The following RNF144A variants were observed in gnomAD, a reference collection of about 807,000 sequenced individuals.
RNF144A encodes the protein E3 ubiquitin-protein ligase RNF144A.
In RNF144A, 11 loss-of-function variants were observed where a neutral mutation model predicts 38.7. The observed-to-expected ratio is 0.28, with a 90% CI of 0.18 to 0.47. The LOEUF (loss-of-function observed/expected upper bound fraction) is 0.47. RNF144A is among the 20% of genes least tolerant of loss of function. The pLI is 0.99. For missense variants in RNF144A, 316 were observed against 377.2 expected (o/e 0.84, Z 1.34); for synonymous variants, 149 against 143.9 (o/e 1.04, Z -0.25).
chr2:7,016,903 G>A (rs1358177412), intron 5 of RNF144A, among the ~76,000 whole-genome samples: 1 of 152,202 alleles, frequency 6.6e-6, no homozygotes, highest in Non-Finnish European at 1.5e-5. Flanking sequence ...CTTAGTCTTA[G>A]AATGTCTCCT....
At chr2:6,925,227 G>A (rs897179385) in intron 1 of RNF144A, among the ~76,000 whole-genome samples, 2 of 152,112 alleles carry the variant, frequency 1.3e-5, no homozygotes, top group South Asian at 2.1e-4. Context: ...GATGGGATGG[G>A]GCTGGCTGTA....
chr2:6,974,108 C>A (rs1395931639), intron 2 of RNF144A, among the ~76,000 whole-genome samples: 1 of 152,204 alleles, frequency 6.6e-6, no homozygotes, highest in Non-Finnish European at 1.5e-5. Context: ...TTACCAGCCC[C>A]ACCTAGTTCG....
At chr2:6,967,801 C>T (rs1226006016) in intron 2 of RNF144A, among the ~76,000 whole-genome samples, 2 of 152,290 alleles carry the variant, frequency 1.3e-5, no homozygotes, top group East Asian at 1.9e-4. Flanking sequence ...TAAGATACTT[C>T]CATAGACTCC....
chr2:7,033,053 A>G (rs1039816859), intron 8 of RNF144A, among the ~76,000 whole-genome samples: 1 of 152,264 alleles, frequency 6.6e-6, no homozygotes, highest in African/African-American at 2.4e-5. Flanking sequence ...GAACTCGGAA[A>G]CCATTGCCCA....
At chr2:7,064,744 TA>T (rs1674130437) in intron 6 of RNF144A, among the ~76,000 whole-genome samples, 1 of 152,142 alleles carries the variant, frequency 6.6e-6, no homozygotes, top group African/African-American at 2.4e-5. Context: ...TAGGGAAGGA[TA>T]AAAGGTGGTA....
At chr2:6,982,500 C>A (rs1202295457) in intron 2 of RNF144A, among the ~76,000 whole-genome samples, 1 of 152,180 alleles carries the variant, frequency 6.6e-6, no homozygotes, top group Non-Finnish European at 1.5e-5. Context: ...CAAACTATAG[C>A]AATTATTTAT....
At chr2:7,052,252 T>C (rs1259134416) in intron 6 of RNF144A, among the ~76,000 whole-genome samples, 2 of 152,216 alleles carry the variant, frequency 1.3e-5, no homozygotes, top group Non-Finnish European at 2.9e-5. Context: ...CTTTTTCCTT[T>C]CTTCTGTGGT....
chr2:7,021,063 CAGG>C (rs1671497533), intron 6 of RNF144A, among the ~76,000 whole-genome samples: 1 of 152,140 alleles, frequency 6.6e-6, no homozygotes, highest in African/African-American at 2.4e-5. Context: ...GAAACAAGAA[CAGG>C]AGTAGGGTGC....
In RNF144A at chr2:7,052,551, T is replaced by A. The variant is rs574144218; in HGVS notation, c.735-15665T>A. ...AGGGCTCTGTAGAGGCAGCGAGGGGTCATTATTTTAAGAGAGAAGCTCAAT... is the reference window on the plus strand; with the variant it reads ...AGGGCTCTGTAGAGGCAGCGAGGGGACATTATTTTAAGAGAGAAGCTCAAT... On this transcript the variant is annotated intron_variant, in intron 6 of 6. Coordinates refer to the RNF144A transcript ENST00000432850. Among the ~76,000 whole-genome samples, 64 of 152,020 alleles carry A rather than the reference T, an allele frequency of 4.2e-4. No homozygotes were observed. In the South Asian group the frequency reaches 7.3e-3, roughly 17 times the overall value.
chr2:7,038,355 G>C (rs981019979), intron 8 of RNF144A, among the ~76,000 whole-genome samples: 59 of 152,330 alleles, frequency 3.9e-4, no homozygotes, highest in Non-Finnish European at 7.3e-4. Context: ...CATGGCGGGG[G>C]TGTGTGGGGC....
At chr2:7,015,579 T>A (rs959469418) in intron 5 of RNF144A, among the ~76,000 whole-genome samples, 1 of 152,176 alleles carries the variant, frequency 6.6e-6, no homozygotes, top group Non-Finnish European at 1.5e-5. Context: ...ATGTGGAATG[T>A]CCAGGAGAGG....
chr2:7,034,934 G>A (rs1672567114), intron 8 of RNF144A, among the ~76,000 whole-genome samples: 1 of 152,138 alleles, frequency 6.6e-6, no homozygotes, highest in Admixed American at 6.5e-5. Flanking sequence ...TCTTGCTGTA[G>A]ACTTAAGTCT....
rs766805671 is a variant in RNF144A, at chr2:7,014,513, C to T, written c.195C>T (p.Cys65=). ...AAGGATTAGAAACCGCAATTAGCTG[C>T]CCAGATGCTGCCTGCCCTAAACAGG... The part of the protein sequence containing the change: ...IKEGLETAIS[C]PDAACPKQGH... Residue 65 remains cysteine (C), a synonymous_variant, in exon 4 of 9, where the codon TGC becomes TGT. Transcript: ENST00000320892. 6.2e-7 allele frequency: 1 copy of T among 1,610,332 alleles called. No homozygotes were observed. Among genetic ancestry groups the T allele is most frequent in the Non-Finnish European group, 8.5e-7 (1 of 1,178,630 alleles).
Position 6,962,755 on chromosome 2 carries a change from C to G in RNF144A, c.-12+21608C>G, listed in dbSNP as rs1667423798. ...CTTATTTTATTCATCACAGCATAAACTTCCAGAGGCAGGGCAATACCTTTT... is the reference window on the plus strand; with the variant it reads ...CTTATTTTATTCATCACAGCATAAAGTTCCAGAGGCAGGGCAATACCTTTT... On this transcript the variant is annotated intron_variant, in intron 2 of 8. Transcript: ENST00000320892. This position sits in a 1 kb window ranked among gnomAD's most constrained non-coding sequence, Gnocchi z 4.1. Among the ~76,000 whole-genome samples, 1 of 152,194 alleles carries G rather than the reference C, an allele frequency of 6.6e-6. No homozygotes were observed. Among genetic ancestry groups the G allele is most frequent in the Non-Finnish European group, 1.5e-5 (1 of 68,034 alleles).
chr2:7,047,093 C>G (rs1237967143), downstream of RNF144A, among the ~76,000 whole-genome samples: 7 of 152,276 alleles, frequency 4.6e-5, no homozygotes, highest in East Asian at 7.7e-4. Context: ...TCCTTTTATC[C>G]AGGGGTTTAA....
downstream of RNF144A, among the ~76,000 whole-genome samples, chr2:7,070,731 G>T (rs1480913166): frequency 6.6e-6 from 1 of 152,142 alleles, no homozygotes; most frequent in African/African-American, 2.4e-5. Context: ...GCCATACGAT[G>T]GAGGAGGTAA....
At chr2:7,014,794 C>T (rs180778216) in intron 5 of RNF144A, 22 bp downstream of exon 5, 33 of 1,550,532 alleles carry the variant, frequency 2.1e-5, no homozygotes, top group South Asian at 1.7e-4. Context: ...GTATATCTGC[C>T]GGTTATGATT....
chr2:7,039,094 G>A (rs200733948), intron 8 of RNF144A, among the ~76,000 whole-genome samples: 2 of 151,078 alleles, frequency 1.3e-5, no homozygotes, highest in East Asian at 2.0e-4. Flanking sequence ...GGTAGATGAT[G>A]GTTAGATGGG....
intron 7 of RNF144A, among the ~76,000 whole-genome samples, chr2:7,027,909 G>A (rs1572434953): frequency 6.8e-6 from 1 of 147,610 alleles, no homozygotes; most frequent in South Asian, 2.1e-4. Flanking sequence ...CATTAATTTT[G>A]TACATGAAAT....
Sources: gnomAD v4.1 joint callset for allele counts (sites outside exome capture counted in the v4.1 genomes callset) on GRCh38, gnomAD v4.1.1 for gene constraint, Gnocchi (gnomAD v3.1) non-coding constraint, MANE v1.5 for transcripts, NCBI Gene and HGNC (gene_info 2026-07-23, HGNC 2026-07-21) for gene names.